Variants in LDLRAD4 observed in about 807,000 individuals in gnomAD.
LDLRAD4 encodes the protein low-density lipoprotein receptor class A domain-containing protein 4.
Under a neutral mutation model 17.0 loss-of-function variants are expected in LDLRAD4, and 5 were observed. The ratio of observed to expected loss-of-function variants is 0.29; its 90% CI spans 0.15 to 0.62. The LOEUF (loss-of-function observed/expected upper bound fraction) is 0.62. Ranked by LOEUF, LDLRAD4 falls within the 20% of genes least tolerant of loss-of-function variation. LDLRAD4 has a pLI of 0.84. For missense variants in LDLRAD4, 340 were observed against 424.7 expected (o/e 0.80, Z 1.75); for synonymous variants, 168 against 171.8 (o/e 0.98, Z 0.17).
At chr18:13,225,308 T>C (rs1038670173) in intron 1 of LDLRAD4, among the ~76,000 whole-genome samples, 2 of 152,224 alleles carry the variant, frequency 1.3e-5, no homozygotes, top group African/African-American at 4.8e-5. Context: ...GTCAGCTCTT[T>C]GCAAACTGGT....
chr18:13,524,700 C>A (rs1306015033), intron 3 of LDLRAD4, among the ~76,000 whole-genome samples: 1 of 152,204 alleles, frequency 6.6e-6, no homozygotes, highest in African/African-American at 2.4e-5. Context: ...AAAGCCGAGA[C>A]AACCAGATCA....
chr18:13,362,948 A>G (rs529878290), intron 1 of LDLRAD4, among the ~76,000 whole-genome samples: 1 of 152,214 alleles, frequency 6.6e-6, no homozygotes, highest in African/African-American at 2.4e-5. Context: ...AAAATGGAAC[A>G]TATTTCTAAC....
At chr18:13,357,953 A>C (rs2083442127) in intron 1 of LDLRAD4, among the ~76,000 whole-genome samples, 1 of 152,136 alleles carries the variant, frequency 6.6e-6, no homozygotes, top group Non-Finnish European at 1.5e-5. Flanking sequence ...TTATTACTGA[A>C]GTTCAAACTA....
At chr18:13,467,044 T>C (rs1397803831) in intron 3 of LDLRAD4, among the ~76,000 whole-genome samples, 21 of 152,172 alleles carry the variant, frequency 1.4e-4, no homozygotes, top group Admixed American at 1.4e-3. Context: ...AACCTACTAA[T>C]ACCATACTCA....
At chr18:13,559,051 C>T (rs2094513957) in intron 3 of LDLRAD4, among the ~76,000 whole-genome samples, 2 of 152,214 alleles carry the variant, frequency 1.3e-5, no homozygotes, top group African/African-American at 2.4e-5. Context: ...TGTAGTACCC[C>T]ACTGGCTGCA....
At chr18:13,636,467 G>C (rs1444364320) in intron 4 of LDLRAD4, among the ~76,000 whole-genome samples, 1 of 139,462 alleles carries the variant, frequency 7.2e-6, no homozygotes, top group Non-Finnish European at 1.6e-5. Context: ...TTTTCACAAA[G>C]TTGAATGTTA....
intron 1 of LDLRAD4, among the ~76,000 whole-genome samples, chr18:13,282,610 C>T (rs2045349260): frequency 6.6e-6 from 1 of 152,214 alleles, no homozygotes; most frequent in African/African-American, 2.4e-5. Flanking sequence ...CTTCCTGTGG[C>T]CTTGGGCAGC....
chr18:13,225,072 G>A (rs1208552438), intron 1 of LDLRAD4, among the ~76,000 whole-genome samples: 1 of 150,820 alleles, frequency 6.6e-6, no homozygotes, highest in East Asian at 2.0e-4. Context: ...CTCACCTCAA[G>A]TGATCCGCCC....
chr18:13,425,480 AATTAAAGCTC>A (rs2089853782), intron 2 of LDLRAD4, among the ~76,000 whole-genome samples: 1 of 152,200 alleles, frequency 6.6e-6, no homozygotes, highest in Admixed American at 6.5e-5. Flanking sequence ...TGTGGAGCAG[AATTAAAGCTC>A]AGCTGTCAGC....
chr18:13,399,162 A>T (rs976619375), intron 2 of LDLRAD4, among the ~76,000 whole-genome samples: 25 of 151,778 alleles, frequency 1.6e-4, no homozygotes, highest in African/African-American at 6.1e-4. Flanking sequence ...ACACCATTGC[A>T]CTCCAGCCTG....
intron 3 of LDLRAD4, among the ~76,000 whole-genome samples, chr18:13,516,363 C>T (rs1391077321): frequency 1.3e-5 from 2 of 152,154 alleles, no homozygotes; most frequent in African/African-American, 2.4e-5. Flanking sequence ...TCGTGCCTTA[C>T]AGGAAGTTCT....
chr18:13,265,292 T>C lies in LDLRAD4; in HGVS notation c.-466-12813T>C, dbSNP rs992138822. 6.6e-5 allele frequency among the ~76,000 whole-genome samples: 10 copies of C among 152,178 alleles called. 1 individual carries two copies. The highest frequency in any genetic ancestry group is 2.4e-4 in the African/African-American group (10 of 41,452). On this transcript the variant is annotated intron_variant, in intron 1 of 5. Coordinates refer to the LDLRAD4 transcript ENST00000399848. Reference sequence around the variant, plus strand: ...TTCTGAGAACCGCCTTACCACCTAGTGGCAGGGCTGACCTGTCACTGCGTA... The same window carrying C: ...TTCTGAGAACCGCCTTACCACCTAGCGGCAGGGCTGACCTGTCACTGCGTA...
chr18:13,243,444 A>C (rs1398318171), intron 1 of LDLRAD4, among the ~76,000 whole-genome samples: 1 of 150,422 alleles, frequency 6.6e-6, no homozygotes, highest in Non-Finnish European at 1.5e-5. Flanking sequence ...CTGTACACCC[A>C]CCCAGCCACC....
intron 2 of LDLRAD4, among the ~76,000 whole-genome samples, chr18:13,427,109 C>T (rs2089996547): frequency 6.6e-6 from 1 of 152,160 alleles, no homozygotes; most frequent in South Asian, 2.1e-4. Context: ...TCGCTTGAAC[C>T]CAGGAGGCGG....
chr18:13,616,269 C>T (rs1785129), intron 3 of LDLRAD4: 1 of 151,024 alleles, frequency 6.6e-6, no homozygotes, highest in Non-Finnish European at 1.5e-5. Context: ...GGGGGGTTGC[C>T]ACACACCCCC....
intron 3 of LDLRAD4, among the ~76,000 whole-genome samples, chr18:13,604,312 G>A (rs977540885): frequency 5.9e-5 from 9 of 152,336 alleles, no homozygotes; most frequent in Admixed American, 1.3e-4. Flanking sequence ...AGTATGTGCC[G>A]CTTAGGACGG....
At chr18:13,575,564 T>C (rs1318888562) in intron 3 of LDLRAD4, among the ~76,000 whole-genome samples, 1 of 152,246 alleles carries the variant, frequency 6.6e-6, no homozygotes, top group African/African-American at 2.4e-5. Context: ...TAATGACTTA[T>C]TTTCCTCTGG....
intron 3 of LDLRAD4, among the ~76,000 whole-genome samples, chr18:13,497,582 AC>A (rs1459466501): frequency 2.0e-5 from 3 of 151,696 alleles, no homozygotes; most frequent in Non-Finnish European, 4.4e-5. Context: ...TGTATTTTTA[AC>A]CCTTTTTAAT....
chr18:13,652,440 T>C (rs2043284779), exon 6 of LDLRAD4: 1 of 152,600 alleles, frequency 6.6e-6, no homozygotes, highest in Admixed American at 6.5e-5. Context: ...TACAACTGTA[T>C]TTGAACTTTT....
Sources: allele counts gnomAD v4.1 joint callset (sites outside exome capture counted in the v4.1 genomes callset), GRCh38; gene constraint gnomAD v4.1.1; transcripts MANE v1.5; gene names NCBI Gene and HGNC (gene_info 2026-07-23, HGNC 2026-07-21).